CHN1: variants seen among roughly 807,000 people sequenced by gnomAD.
The protein encoded by CHN1 is N-chimaerin.
In CHN1, 37 loss-of-function variants were observed where a neutral mutation model predicts 59.5. The observed-to-expected ratio is 0.62, with a 90% CI of 0.48 to 0.82. The LOEUF is 0.82. CHN1 is among the 40% of genes least tolerant of loss of function. The pLI, the probability that CHN1 is intolerant of heterozygous loss-of-function variation, is 0.00. For synonymous variants in CHN1, 206 were observed against 200.4 expected (o/e 1.03, Z -0.24); for missense variants, 469 against 571.0 (o/e 0.82, Z 1.82).
At chr2:174,942,776 G>A (rs1469600993) in intron 3 of CHN1, among the ~76,000 whole-genome samples, 1 of 151,462 alleles carries the variant, frequency 6.6e-6, no homozygotes, top group Non-Finnish European at 1.5e-5. Flanking sequence ...AAGGCCAGGT[G>A]CCCTGGCTCA....
chr2:174,890,245 A>C (rs1688007422), intron 5 of CHN1, among the ~76,000 whole-genome samples: 4 of 152,230 alleles, frequency 2.6e-5, no homozygotes. Context: ...CACCATGCAA[A>C]TGGTAACCAA....
rs528460574 is a variant in CHN1 at position 174,974,243 on chromosome 2, T to A, written c.20-22041A>T. Among the ~76,000 whole-genome samples, 4 of 152,344 alleles carry A rather than the reference T, an allele frequency of 2.6e-5. No homozygotes were observed. The South Asian group carries it at 8.3e-4, about 32-fold the overall frequency. The stretch of plus-strand genomic sequence containing the variant: ...GATGTGGATTTCTAATAAGCAATAT[T>A]ATTTGTTATTCAAAAAGCAGACTGA... On this transcript the variant is annotated intron_variant, in intron 1 of 12. Coordinates refer to ENST00000409900, the MANE Select transcript of CHN1 (RefSeq NM_001822.7).
intron 7 of CHN1, among the ~76,000 whole-genome samples, chr2:174,842,458 G>C (rs1246341475): frequency 6.6e-6 from 1 of 151,958 alleles, no homozygotes; most frequent in Non-Finnish European, 1.5e-5. Context: ...AAATCTAATG[G>C]TTCACAATAC....
chr2:174,967,054 C>T (rs1690614631), intron 1 of CHN1, among the ~76,000 whole-genome samples: 1 of 152,146 alleles, frequency 6.6e-6, no homozygotes, highest in Non-Finnish European at 1.5e-5. Context: ...CATCTCACGT[C>T]TAAAATGCGG....
intron 8 of CHN1, among the ~76,000 whole-genome samples, chr2:174,812,717 A>G (rs1685117785): frequency 6.6e-6 from 1 of 152,206 alleles, no homozygotes. Flanking sequence ...TAATTGCTGT[A>G]TGATCTCAGG....
At chr2:174,943,182 TTGTGTGTGTG>T (rs3056103) in intron 3 of CHN1, among the ~76,000 whole-genome samples, 3 of 149,700 alleles carry the variant, frequency 2.0e-5, no homozygotes, top group East Asian at 2.0e-4. Context: ...TAGGGTTTGC[TTGTGTGTGTG>T]TGTGTGTGTG....
chr2:174,938,042 T>A (rs542769529), intron 3 of CHN1, among the ~76,000 whole-genome samples: 46 of 152,010 alleles, frequency 3.0e-4, no homozygotes, highest in African/African-American at 8.4e-4. Context: ...TAAAAAAAAA[T>A]TTTTTTAAGA....
At chr2:174,896,532 C>G (rs1433660724) in intron 5 of CHN1, among the ~76,000 whole-genome samples, 1 of 152,126 alleles carries the variant, frequency 6.6e-6, no homozygotes, top group Non-Finnish European at 1.5e-5. Flanking sequence ...TAATATATAT[C>G]TTTCAATGAA....
intron 6 of CHN1, among the ~76,000 whole-genome samples, chr2:174,863,175 T>A (rs373449265): frequency 1.3e-5 from 2 of 152,306 alleles, no homozygotes; most frequent in African/African-American, 4.8e-5. Flanking sequence ...TATGTCAACA[T>A]TTGGAAGACC....
At chr2:174,847,333 C>CTT (rs1029418847) in intron 6 of CHN1, 4 of 1,289,270 alleles carry the variant, frequency 3.1e-6, no homozygotes, top group East Asian at 2.9e-5. Flanking sequence ...TTCTTTCTTC[C>CTT]TTTTTTTTTC....
chr2:174,899,026 C>CA (rs1688305299), intron 5 of CHN1, among the ~76,000 whole-genome samples: 9 of 152,140 alleles, frequency 5.9e-5, no homozygotes, highest in Admixed American at 5.9e-4. Context: ...GAGGGAGTCA[C>CA]AGAGCTTTAA....
chr2:174,857,211 T>C (rs1686928851), intron 6 of CHN1, among the ~76,000 whole-genome samples: 1 of 152,126 alleles, frequency 6.6e-6, no homozygotes, highest in Admixed American at 6.6e-5. Context: ...TAGAACAACC[T>C]TTACAATTAG....
chr2:174,803,686 C>G (rs1040544193), intron 11 of CHN1, among the ~76,000 whole-genome samples: 1 of 152,264 alleles, frequency 6.6e-6, no homozygotes, highest in Admixed American at 6.5e-5. Context: ...TTCCAAGTAG[C>G]TGGGACTGTG....
chr2:174,985,382 G>C (rs138564904), intron 1 of CHN1, among the ~76,000 whole-genome samples: 4 of 152,104 alleles, frequency 2.6e-5, no homozygotes, highest in African/African-American at 9.6e-5. Context: ...ACTGTGATTG[G>C]GTAGATTCCT....
In CHN1 at chr2:174,835,406, C is replaced by A. The variant is rs192632049; in HGVS notation, c.628-10888G>T. Reference sequence around the variant, plus strand: ...TCTGTTTAGTGTTTAGTGTTCACTGCATTTTTGGATCTGTGACTTTTCATC... The same window carrying A: ...TCTGTTTAGTGTTTAGTGTTCACTGAATTTTTGGATCTGTGACTTTTCATC... On this transcript the variant is annotated intron_variant, in intron 7 of 12. Coordinates refer to ENST00000409900, the MANE Select transcript of CHN1 (RefSeq NM_001822.7). Among the ~76,000 whole-genome samples, 8 of 152,176 alleles carry A rather than the reference C, an allele frequency of 5.3e-5. No individual in the cohort carries two copies. In the South Asian group the frequency reaches 8.3e-4, roughly 16 times the overall value.
At chr2:174,808,321 T>C (rs1460112250) in intron 11 of CHN1, among the ~76,000 whole-genome samples, 2 of 152,020 alleles carry the variant, frequency 1.3e-5, no homozygotes, top group East Asian at 1.9e-4. Context: ...TTTGCTCTTG[T>C]TGCCCAGGCT....
chr2:174,914,842 CAAAAA>C (rs577375465), intron 5 of CHN1, among the ~76,000 whole-genome samples: 17 of 100,066 alleles, frequency 1.7e-4, no homozygotes, highest in South Asian at 7.9e-4. Context: ...AGATTCCATT[CAAAAA>C]AAAAAAAAAA....
At chr2:174,911,686 G>A (rs532824090) in intron 5 of CHN1, among the ~76,000 whole-genome samples, 1 of 152,320 alleles carries the variant, frequency 6.6e-6, no homozygotes, top group African/African-American at 2.4e-5. Flanking sequence ...AGTTGGTAGT[G>A]TGACAGCACA....
intron 5 of CHN1, among the ~76,000 whole-genome samples, chr2:174,881,547 C>G (rs1416560236): frequency 6.6e-6 from 1 of 152,162 alleles, no homozygotes; most frequent in Non-Finnish European, 1.5e-5. Context: ...ATAGTAGGCT[C>G]GAGTGGTAGT....
Sources: allele counts gnomAD v4.1 joint callset (sites outside exome capture counted in the v4.1 genomes callset), GRCh38; gene constraint gnomAD v4.1.1; transcripts MANE v1.5; gene names NCBI Gene and HGNC (gene_info 2026-07-23, HGNC 2026-07-21).